The following DTNB variants were observed in gnomAD, a reference collection of about 807,000 sequenced individuals.
DTNB encodes DTN-B.
DTNB carries 63 observed loss-of-function variants against 90.7 expected under a neutral mutation model. That is an observed-to-expected ratio of 0.69 (90% CI 0.57 to 0.86). The LOEUF is 0.86. DTNB is among the 40% of genes least tolerant of loss of function. The probability of loss-of-function intolerance (pLI) is 0.00; values close to 1 mark genes in which losing one functional copy is unlikely to be tolerated. For missense variants in DTNB, 744 were observed against 807.1 expected (o/e 0.92, Z 0.95); for synonymous variants, 277 against 286.7 (o/e 0.97, Z 0.34).
intron 3 of DTNB, among the ~76,000 whole-genome samples, chr2:25,628,822 G>C (rs1210913370): frequency 6.6e-6 from 1 of 152,158 alleles, no homozygotes; most frequent in Admixed American, 6.5e-5. Flanking sequence ...TAAAGAGAGA[G>C]ACAAATACAA....
At chr2:25,554,006 A>T (rs1482099420) in intron 8 of DTNB, among the ~76,000 whole-genome samples, 1 of 152,138 alleles carries the variant, frequency 6.6e-6, no homozygotes, top group African/African-American at 2.4e-5. Flanking sequence ...ACATTACTAG[A>T]TCTGTCATGA....
intron 9 of DTNB, among the ~76,000 whole-genome samples, chr2:25,494,526 A>G (rs1213751012): frequency 6.6e-6 from 1 of 152,036 alleles, no homozygotes; most frequent in Non-Finnish European, 1.5e-5. Context: ...ATTGGGCACC[A>G]TAACTAAATA....
intron 16 of DTNB, chr2:25,399,350 CTTTT>C: frequency 8.6e-6 from 1 of 115,778 alleles, no homozygotes; most frequent in Non-Finnish European, 1.7e-5. Flanking sequence ...CGCCCCTGAC[CTTTT>C]TTTTTTTTTT....
intron 10 of DTNB, among the ~76,000 whole-genome samples, chr2:25,474,568 G>C (rs1188017228): frequency 6.6e-6 from 1 of 152,118 alleles, no homozygotes; most frequent in East Asian, 1.9e-4. Flanking sequence ...AAAACATAGT[G>C]ATTTTTGTCA....
chr2:25,554,182 C>T (rs969708080), intron 8 of DTNB, among the ~76,000 whole-genome samples: 7 of 152,182 alleles, frequency 4.6e-5, no homozygotes, highest in Non-Finnish European at 1.0e-4. Flanking sequence ...CAAGGCCAAG[C>T]TTTGCTCCTA....
chr2:25,551,354 A>G (rs989946173), intron 8 of DTNB, among the ~76,000 whole-genome samples: 1 of 152,060 alleles, frequency 6.6e-6, no homozygotes, highest in Non-Finnish European at 1.5e-5. Context: ...TTGATATTTC[A>G]TATGTTCATA....
intron 9 of DTNB, among the ~76,000 whole-genome samples, chr2:25,499,895 T>A (rs543510468): frequency 1.3e-5 from 2 of 152,056 alleles, no homozygotes; most frequent in Admixed American, 6.6e-5. Context: ...CTTACCATTC[T>A]TTTTTTTGGT....
intron 8 of DTNB, among the ~76,000 whole-genome samples, chr2:25,574,291 A>C (rs564825550): frequency 6.6e-6 from 1 of 152,366 alleles, no homozygotes; most frequent in South Asian, 2.1e-4. Flanking sequence ...CCTGGCACAC[A>C]GTAGGTGTTT....
chr2:25,591,380 T>TC (rs975715408), intron 6 of DTNB, among the ~76,000 whole-genome samples: 3 of 152,086 alleles, frequency 2.0e-5, no homozygotes, highest in Non-Finnish European at 2.9e-5. Context: ...CAGCCACGCC[T>TC]CCCCCAGTGC....
Position 25,511,048 on chromosome 2 carries a change from AG to A in DTNB, c.1001+20424del, listed in dbSNP as rs372277581. Among the ~76,000 whole-genome samples the A allele has an allele frequency of 2.5e-4, 38 of 152,302 alleles. No homozygotes were observed. The East Asian group carries it at 3.1e-3, about 12-fold the overall frequency. On this transcript the variant is annotated intron_variant, in intron 9 of 20. Coordinates refer to ENST00000406818, the MANE Select transcript of DTNB (RefSeq NM_021907.5). ...CATGCTTCTACGCTGATTTTCTCAA[AG>A]GGGCAGGAATAAAATGTTTATGTTT...
intron 8 of DTNB, among the ~76,000 whole-genome samples, chr2:25,544,513 T>C (rs2082025628): frequency 6.6e-6 from 1 of 152,168 alleles, no homozygotes; most frequent in Admixed American, 6.5e-5. Flanking sequence ...TACTCTCTCT[T>C]TCTGAGCACA....
chr2:25,508,268 G>A (rs1371406429), intron 9 of DTNB, among the ~76,000 whole-genome samples: 1 of 152,196 alleles, frequency 6.6e-6, no homozygotes, highest in East Asian at 1.9e-4. Flanking sequence ...CTGAATGACT[G>A]ATAAACAGAG....
intron 8 of DTNB, among the ~76,000 whole-genome samples, chr2:25,570,542 T>A (rs1559070749): frequency 1.3e-5 from 2 of 151,854 alleles, no homozygotes; most frequent in Non-Finnish European, 2.9e-5. Flanking sequence ...TTTGCCCCCA[T>A]CACTCCACAG....
intron 8 of DTNB, among the ~76,000 whole-genome samples, chr2:25,547,886 T>G (rs2082770553): frequency 6.6e-6 from 1 of 152,232 alleles, no homozygotes; most frequent in Non-Finnish European, 1.5e-5. Context: ...TTACCAAATT[T>G]GGTAATACCT....
At chr2:25,475,156 C>T (rs1037464291) in intron 10 of DTNB, among the ~76,000 whole-genome samples, 1 of 152,182 alleles carries the variant, frequency 6.6e-6, no homozygotes, top group Non-Finnish European at 1.5e-5. Context: ...GAAAGCATGT[C>T]GAAAGCCAAC....
intron 5 of DTNB, among the ~76,000 whole-genome samples, chr2:25,605,908 T>C (rs2066996352): frequency 6.6e-6 from 1 of 152,184 alleles, no homozygotes; most frequent in African/African-American, 2.4e-5. Context: ...GTGAAAAACC[T>C]CAGAAGAATA....
intron 1 of DTNB, among the ~76,000 whole-genome samples, chr2:25,662,041 A>G (rs545362929): frequency 6.6e-6 from 1 of 152,190 alleles, no homozygotes; most frequent in East Asian, 1.9e-4. Context: ...CTGTAGTCCC[A>G]GCTACTCGGG....
intron 8 of DTNB, among the ~76,000 whole-genome samples, chr2:25,563,937 C>T (rs912635838): frequency 6.6e-6 from 1 of 152,084 alleles, no homozygotes; most frequent in African/African-American, 2.4e-5. Flanking sequence ...GTCGCCCAGG[C>T]TGCAGGCTGG....
chr2:25,483,433 C>T (rs1558713735), intron 9 of DTNB, among the ~76,000 whole-genome samples: 1 of 152,128 alleles, frequency 6.6e-6, no homozygotes, highest in African/African-American at 2.4e-5. Context: ...TTAAATACCA[C>T]GTTCAAAAAT....
Sources: gnomAD v4.1 joint callset for allele counts (sites outside exome capture counted in the v4.1 genomes callset) on GRCh38, gnomAD v4.1.1 for gene constraint, MANE v1.5 for transcripts, NCBI Gene and HGNC (gene_info 2026-07-23, HGNC 2026-07-21) for gene names.